Variants in PTGER3 observed in about 807,000 individuals in gnomAD.
PTGER3 encodes prostaglandin E receptor 3, also known as prostaglandin E2 receptor EP3 subtype.
A neutral mutation model predicts 34.7 loss-of-function variants in PTGER3; 22 were observed. That is an observed-to-expected ratio of 0.63 (90% CI 0.45 to 0.91). PTGER3 has a LOEUF of 0.91. PTGER3 is among the 40% of genes least tolerant of loss of function. PTGER3 has a pLI of 0.00. For missense variants in PTGER3, 468 were observed against 519.4 expected, an observed-to-expected ratio of 0.90 and a Z score of 0.96; for synonymous variants, 241 against 230.1, an observed-to-expected ratio of 1.05 and a Z score of -0.43.
chr1:70,954,478 A>T (rs188314941), intron 2 of PTGER3, among the ~76,000 whole-genome samples: 1 of 152,260 alleles, frequency 6.6e-6, no homozygotes, highest in Admixed American at 6.5e-5. Flanking sequence ...AAATGTTCAG[A>T]CAGTCTTAAC....
At chr1:70,863,513 T>A (rs1645974507) in intron 4 of PTGER3, among the ~76,000 whole-genome samples, 1 of 152,116 alleles carries the variant, frequency 6.6e-6, no homozygotes, top group Non-Finnish European at 1.5e-5. Context: ...AAATCATAGA[T>A]CATGAAAAAA....
intron 4 of PTGER3, among the ~76,000 whole-genome samples, chr1:70,929,041 C>T (rs1210821438): frequency 2.0e-5 from 3 of 152,182 alleles, no homozygotes; most frequent in Non-Finnish European, 2.9e-5. Flanking sequence ...TTCAGAACTC[C>T]GTTTCTCAGG....
intron 2 of PTGER3, among the ~76,000 whole-genome samples, chr1:70,974,900 C>T (rs1248062987): frequency 1.3e-5 from 2 of 152,172 alleles, no homozygotes; most frequent in African/African-American, 4.8e-5. Context: ...CATCCTTCTT[C>T]ATACCTCAGG....
chr1:70,993,405 A>G (rs916739036), intron 2 of PTGER3, among the ~76,000 whole-genome samples: 2 of 152,240 alleles, frequency 1.3e-5, no homozygotes, highest in African/African-American at 4.8e-5. Flanking sequence ...TAGAGGAATC[A>G]TGCTATACTC....
chr1:70,990,181 C>T (rs1655306436), intron 2 of PTGER3, among the ~76,000 whole-genome samples: 1 of 151,220 alleles, frequency 6.6e-6, no homozygotes, highest in Admixed American at 6.6e-5. Context: ...GTGAAACCCC[C>T]TCTCTACTAA....
intron 1 of PTGER3, among the ~76,000 whole-genome samples, chr1:71,040,113 A>C (rs1189672067): frequency 6.6e-6 from 1 of 151,762 alleles, no homozygotes; most frequent in Non-Finnish European, 1.5e-5. Context: ...AGAAAGAAAG[A>C]AAGAAAAAAA....
intron 4 of PTGER3, among the ~76,000 whole-genome samples, chr1:70,943,943 C>G (rs560788856): frequency 6.6e-6 from 1 of 152,022 alleles, no homozygotes; most frequent in African/African-American, 2.4e-5. Context: ...GCACTCCTTG[C>G]TCTTGGGTTC....
At chr1:70,953,149 A>G in intron 3 of PTGER3, 1 of 1,112,330 alleles carries the variant, frequency 9.0e-7, no homozygotes, top group Non-Finnish European at 1.2e-6. Context: ...GTGATACAGT[A>G]TAATCACTAT....
chr1:70,923,676 G>C (rs914323238), intron 4 of PTGER3, among the ~76,000 whole-genome samples: 1 of 152,230 alleles, frequency 6.6e-6, no homozygotes, highest in African/African-American at 2.4e-5. Context: ...CCTTTGTTTT[G>C]TTTTTCAGAG....
intron 4 of PTGER3, among the ~76,000 whole-genome samples, chr1:70,930,128 A>C (rs79270147): frequency 9.8e-5 from 15 of 152,306 alleles, no homozygotes; most frequent in African/African-American, 3.1e-4. Context: ...TTCAAACAAT[A>C]ACAATAGATT....
At chr1:70,925,128 C>T (rs1308672908) in intron 4 of PTGER3, among the ~76,000 whole-genome samples, 1 of 152,176 alleles carries the variant, frequency 6.6e-6, no homozygotes, top group African/African-American at 2.4e-5. Flanking sequence ...CCTCAGCCTC[C>T]CGAGTAACTG....
chr1:70,938,307 T>C (rs1649428248), intron 4 of PTGER3, among the ~76,000 whole-genome samples: 1 of 152,020 alleles, frequency 6.6e-6, no homozygotes, highest in Non-Finnish European at 1.5e-5. Flanking sequence ...CACCATGGAG[T>C]TGTTCAGTAC....
intron 2 of PTGER3, among the ~76,000 whole-genome samples, chr1:70,991,417 C>T (rs988058595): frequency 2.0e-5 from 3 of 152,112 alleles, no homozygotes; most frequent in African/African-American, 7.2e-5. Context: ...TTTAATTTTC[C>T]ACTGCTACTT....
intron 4 of PTGER3, among the ~76,000 whole-genome samples, chr1:70,886,117 C>T (rs1339544244): frequency 6.6e-6 from 1 of 152,148 alleles, no homozygotes; most frequent in African/African-American, 2.4e-5. Flanking sequence ...GGAGATAGAG[C>T]TTTGGGAGAT....
At chr1:70,887,187 C>T (rs1409981) in intron 4 of PTGER3, among the ~76,000 whole-genome samples, 59,496 of 151,958 alleles carry the variant, frequency 0.39, 12,308 homozygotes, top group African/African-American at 0.52. Context: ...TATATGGACT[C>T]TAATAACACT....
intron 4 of PTGER3, among the ~76,000 whole-genome samples, chr1:70,904,645 G>A (rs55708897): frequency 0.054 from 8,256 of 152,170 alleles, 637 homozygotes; most frequent in South Asian, 0.2. Context: ...AACTTGAGGA[G>A]GATGATTTAG....
chr1:70,936,863 G>GT (rs1324337774), intron 4 of PTGER3, among the ~76,000 whole-genome samples: 1 of 151,994 alleles, frequency 6.6e-6, no homozygotes, highest in African/African-American at 2.4e-5. Context: ...ATTCTTTTGA[G>GT]TTTTTTTCAT....
downstream of PTGER3, among the ~76,000 whole-genome samples, chr1:70,967,610 C>T (rs890639560): frequency 1.1e-4 from 16 of 152,122 alleles, no homozygotes; most frequent in African/African-American, 3.9e-4. Context: ...GGCAATTAAA[C>T]ACTTCTGTAG....
intron 4 of PTGER3, among the ~76,000 whole-genome samples, chr1:70,909,476 T>C (rs1436177050): frequency 6.6e-6 from 1 of 152,232 alleles, no homozygotes; most frequent in East Asian, 1.9e-4. Context: ...GAAGGAGTAA[T>C]TCATTCTTCC....
Sources: allele counts gnomAD v4.1 joint callset (sites outside exome capture counted in the v4.1 genomes callset), GRCh38; gene constraint gnomAD v4.1.1; transcripts MANE v1.5; gene names NCBI Gene and HGNC (gene_info 2026-07-23, HGNC 2026-07-21).